The following ELMOD1 variants were observed in gnomAD, a reference collection of about 807,000 sequenced individuals.
The protein encoded by ELMOD1 is ELMO domain-containing protein 1.
ELMOD1 carries 21 observed loss-of-function variants against 46.7 expected under a neutral mutation model. The observed-to-expected ratio is 0.45, with a 90% CI of 0.32 to 0.65. The LOEUF is 0.65. Ranked by LOEUF, ELMOD1 falls within the 30% of genes least tolerant of loss-of-function variation. The pLI is 0.04. For synonymous variants in ELMOD1, 122 were observed against 138.2 expected, an observed-to-expected ratio of 0.88 and a Z score of 0.82; for missense variants, 348 against 407.8, an observed-to-expected ratio of 0.85 and a Z score of 1.26.
chr11:107,626,764 A>G (rs1866051239), intron 2 of ELMOD1, among the ~76,000 whole-genome samples: 1 of 151,968 alleles, frequency 6.6e-6, no homozygotes, highest in South Asian at 2.1e-4. Flanking sequence ...AACCAATATA[A>G]CATTCTCTCA....
intron 9 of ELMOD1, among the ~76,000 whole-genome samples, chr11:107,652,236 A>G (rs1015792449): frequency 2.6e-5 from 4 of 152,232 alleles, no homozygotes; most frequent in African/African-American, 7.2e-5. Context: ...TGAATATTTC[A>G]GGTGTTCAAG....
chr11:107,609,285 A>G (rs1402566660), intron 1 of ELMOD1, among the ~76,000 whole-genome samples: 1 of 152,272 alleles, frequency 6.6e-6, no homozygotes, highest in Non-Finnish European at 1.5e-5. Context: ...ACAACTTTTT[A>G]TTAAACTGGG....
chr11:107,635,510 C>T, intron 5 of ELMOD1, 126 bp from the exon 6 acceptor site: 4 of 967,972 alleles, frequency 4.1e-6, no homozygotes, highest in South Asian at 4.4e-5. Flanking sequence ...AATAGATCAT[C>T]TTTGAGCAAT....
At position 107,665,304 on chromosome 11, in the gene ELMOD1, C is replaced by CATTCA; in HGVS notation, c.*109_*110insTCAAT. On this transcript the variant is annotated 3_prime_UTR_variant, in exon 12 of 12. Transcript: ENST00000265840. ...ATTGAATGCACACAGTGATTGTATGCATGCCTTTTGGTACAGTGTTTTCAT... is the reference window on the plus strand; with the variant it reads ...ATTGAATGCACACAGTGATTGTATGCATTCAATGCCTTTTGGTACAGTGTTTTCAT... The CATTCA allele has an allele frequency of 1.8e-6, 2 of 1,142,774 alleles. No homozygotes were observed. The highest frequency in any genetic ancestry group is 2.5e-6 in the Non-Finnish European group (2 of 794,704). The allele number at this position is 1,142,774 out of a possible 1,614,324, so 70.8% of individuals were successfully genotyped here.
At chr11:107,630,801 T>C (rs1024645849) in intron 4 of ELMOD1, 73 bp downstream of exon 4, 2 of 1,461,760 alleles carry the variant, frequency 1.4e-6, no homozygotes, top group African/African-American at 2.8e-5. Flanking sequence ...GTAAAAATTC[T>C]AAGAAACCAA....
At chr11:107,664,062 T>G (rs1866793149) in intron 11 of ELMOD1, among the ~76,000 whole-genome samples, 1 of 152,192 alleles carries the variant, frequency 6.6e-6, no homozygotes, top group Non-Finnish European at 1.5e-5. Context: ...CACAGCTCAT[T>G]GCAGCCTCGA....
chr11:107,657,912 A>G (rs1470531410), intron 11 of ELMOD1, among the ~76,000 whole-genome samples: 1 of 152,240 alleles, frequency 6.6e-6, no homozygotes, highest in Non-Finnish European at 1.5e-5. Flanking sequence ...GAATATTACC[A>G]TGTTTGAACA....
intron 10 of ELMOD1, among the ~76,000 whole-genome samples, chr11:107,655,620 A>G (rs1431286593): frequency 7.8e-6 from 1 of 127,698 alleles, no homozygotes; most frequent in Admixed American, 9.2e-5. Context: ...TAAGAAAGCA[A>G]AAGAATAAAA....
At chr11:107,659,665 G>T (rs1438715226) in intron 11 of ELMOD1, among the ~76,000 whole-genome samples, 1 of 84,776 alleles carries the variant, frequency 1.2e-5, no homozygotes, top group Non-Finnish European at 3.1e-5. Context: ...GTGGGTGGGT[G>T]GATGGATGGA....
At chr11:107,620,271 C>G (rs988780835) in intron 2 of ELMOD1, 1 of 151,940 alleles carries the variant, frequency 6.6e-6, no homozygotes, top group South Asian at 2.1e-4. Context: ...ATGCACAGTC[C>G]CAGAAGAAAT....
intron 6 of ELMOD1, among the ~76,000 whole-genome samples, chr11:107,646,456 C>T (rs8181583): frequency 0.068 from 10,283 of 152,120 alleles, 367 homozygotes; most frequent in South Asian, 0.095. Flanking sequence ...GAAACTTGGC[C>T]GGGTGTGGTG....
intron 6 of ELMOD1, chr11:107,643,026 C>T (rs1866353308): frequency 4.2e-6 from 1 of 239,610 alleles, no homozygotes; most frequent in African/African-American, 2.4e-5. Context: ...TTTTCATATT[C>T]ATCCAATATC....
At chr11:107,620,865 A>G (rs1361112015) in intron 2 of ELMOD1, among the ~76,000 whole-genome samples, 1 of 152,254 alleles carries the variant, frequency 6.6e-6, no homozygotes, top group Non-Finnish European at 1.5e-5. Context: ...TCCGTCTCAA[A>G]AACAAAAAAA....
At chr11:107,596,969 A>T (rs1865501840) in intron 1 of ELMOD1, among the ~76,000 whole-genome samples, 1 of 152,200 alleles carries the variant, frequency 6.6e-6, no homozygotes. Flanking sequence ...AATATTGAGT[A>T]ATCTTTATGG....
At chr11:107,609,594 G>C (rs992110397) in intron 1 of ELMOD1, among the ~76,000 whole-genome samples, 4 of 152,200 alleles carry the variant, frequency 2.6e-5, no homozygotes, top group Admixed American at 2.6e-4. Context: ...AAGAGCCTCA[G>C]GGGGCTTCTT....
chr11:107,615,124 G>C, intron 1 of ELMOD1, among the ~76,000 whole-genome samples: 1 of 151,722 alleles, frequency 6.6e-6, no homozygotes, highest in East Asian at 1.9e-4. Context: ...AGCGTAGCAG[G>C]CATTAACATA....
At chr11:107,634,391 G>A (rs750945630) in intron 5 of ELMOD1, among the ~76,000 whole-genome samples, 1 of 152,016 alleles carries the variant, frequency 6.6e-6, no homozygotes, top group African/African-American at 2.4e-5. Context: ...ATGCTTTTAG[G>A]GTACTGTTAT....
At chr11:107,629,463 G>A (rs560199706) in intron 2 of ELMOD1, among the ~76,000 whole-genome samples, 12 of 152,190 alleles carry the variant, frequency 7.9e-5, no homozygotes, top group South Asian at 6.2e-4. Context: ...ATAAGTTCCC[G>A]GATAATAAGT....
chr11:107,650,054 T>C (rs975245312), intron 7 of ELMOD1, among the ~76,000 whole-genome samples: 1 of 152,174 alleles, frequency 6.6e-6, no homozygotes, highest in Non-Finnish European at 1.5e-5. Context: ...CATAATAAAA[T>C]CCTTGGTTCT....
Sources: gnomAD v4.1 joint callset for allele counts (sites outside exome capture counted in the v4.1 genomes callset) on GRCh38, gnomAD v4.1.1 for gene constraint, MANE v1.5 for transcripts, NCBI Gene and HGNC (gene_info 2026-07-23, HGNC 2026-07-21) for gene names.